The following DHX37 variants were observed in gnomAD, a reference collection of about 807,000 sequenced individuals.
DHX37 encodes DEAH-box helicase 37, also known as probable ATP-dependent RNA helicase DHX37.
Under a neutral mutation model 134.3 loss-of-function variants are expected in DHX37, and 52 were observed. That is an observed-to-expected ratio of 0.39 (90% CI 0.31 to 0.49). DHX37 has a LOEUF of 0.49. Ranked by LOEUF, DHX37 falls within the 20% of genes least tolerant of loss-of-function variation. DHX37 has a pLI of 0.93. For missense variants in DHX37, 1,344 were observed against 1,580.8 expected (o/e 0.85, Z 2.54); for synonymous variants, 634 against 670.7 (o/e 0.95, Z 0.85).
chr12:124,947,982 A>C, intron 26 of DHX37, 95 bp from the exon 27 acceptor site: 1 of 1,612,894 alleles, frequency 6.2e-7, no homozygotes, highest in South Asian at 1.1e-5. Context: ...GTGGGGCCAG[A>C]TCCTTCTGCC....
Position 124,968,924 on chromosome 12 carries a change from C to T in DHX37, c.1236G>A (p.Arg412=). 6.2e-7 allele frequency: 1 copy of T among 1,614,142 alleles called. No homozygotes were observed. The highest frequency in any genetic ancestry group is 1.1e-5 in the South Asian group (1 of 91,082). The change falls in exon 9 of 27, where the codon CGG becomes CGA. Residue 412 remains arginine (R), a synonymous_variant. Coordinates refer to ENST00000308736, the MANE Select transcript of DHX37 (RefSeq NM_032656.4). Reference sequence around the variant, plus strand: ...GTGGGTTCTGGGTGAAGTCCTCCACCCGCAGCGTGGCCGACATGATGAGCA... The same window carrying T: ...GTGGGTTCTGGGTGAAGTCCTCCACTCGCAGCGTGGCCGACATGATGAGCA... The part of the protein sequence containing the change: ...LKLLIMSATL[R]VEDFTQNPRL...
chr12:124,948,270 C>G, intron 25 of DHX37, 89 bp from the exon 26 acceptor site: 3 of 1,499,956 alleles, frequency 2.0e-6, no homozygotes, highest in Non-Finnish European at 2.7e-6. Context: ...GGCATCACCA[C>G]CCCACCAGCC....
At position 124,980,677 on chromosome 12, in the gene DHX37, G is replaced by A. The variant is rs1360241422; in HGVS notation, c.551C>T (p.Ala184Val). ...EEESELDEDPAAEPAEAGVGT... is the reference protein window; with the variant it reads ...EEESELDEDPVAEPAEAGVGT... Reference sequence around the variant, plus strand: ...CACACCAGCCTCAGCCGGCTCAGCAGCTGGGTCCTCGTCCAGCTCCGACTC... The same window carrying A: ...CACACCAGCCTCAGCCGGCTCAGCAACTGGGTCCTCGTCCAGCTCCGACTC... The change falls in exon 4 of 27, where the codon GCT (alanine) becomes GTT (valine). Residue 184 changes from alanine to valine, a missense_variant. Ala to Val is a moderately conservative substitution (Grantham distance 64). Coordinates refer to ENST00000308736, the MANE Select transcript of DHX37 (RefSeq NM_032656.4). The surrounding 1 kb of genome is among the most constrained non-coding windows in gnomAD (Gnocchi z 5.3). The A allele has an allele frequency of 1.3e-6, 2 of 1,594,212 alleles. No homozygotes were observed. Among genetic ancestry groups the A allele is most frequent in the Admixed American group, 3.4e-5 (2 of 58,108 alleles).
At chr12:124,976,481 G>A (rs2135961545) in intron 5 of DHX37, among the ~76,000 whole-genome samples, 1 of 152,312 alleles carries the variant, frequency 6.6e-6, no homozygotes, top group Non-Finnish European at 1.5e-5. Context: ...GGAGGTCGAG[G>A]TGGGTGGATC....
intron 2 of DHX37, among the ~76,000 whole-genome samples, chr12:124,984,968 A>G (rs1257449555): frequency 1.3e-5 from 2 of 152,274 alleles, no homozygotes; most frequent in Middle Eastern, 6.8e-3. Flanking sequence ...GCGCCCTTCG[A>G]AGAGACACAC....
At position 124,946,865 on chromosome 12, in the gene DHX37, G is replaced by A. The variant is rs1021411565; in HGVS notation, c.*937C>T. ...ATTTTATTCCATAACTGTCTCCACCGAAGCCGCAGAAGCAAAGCCAGGAGC... is the reference window on the plus strand; with the variant it reads ...ATTTTATTCCATAACTGTCTCCACCAAAGCCGCAGAAGCAAAGCCAGGAGC... On this transcript the variant is annotated 3_prime_UTR_variant, in exon 27 of 27. Transcript: ENST00000308736. The A allele has an allele frequency of 3.3e-5, 5 of 152,238 alleles. No individual in the cohort carries two copies. Among genetic ancestry groups the A allele is most frequent in the African/African-American group, 9.6e-5 (4 of 41,452 alleles). The allele number at this position is 152,238 out of a possible 1,614,324, so 9.4% of individuals were successfully genotyped here.
rs1016816869 is a variant in DHX37 at position 124,947,500 on chromosome 12, T to A, written c.*302A>T. 5 of 294,494 alleles carry A rather than the reference T, an allele frequency of 1.7e-5. No homozygotes were observed. Among genetic ancestry groups the A allele is most frequent in the Non-Finnish European group, 1.9e-5 (3 of 159,684 alleles). The allele number at this position is 294,494 out of a possible 1,614,324, so 18.2% of individuals were successfully genotyped here. ...CTGCAGAGATCTCCAGCCCTGCTGC[T>A]CCACAGGGGACTAATGTAGTCCAAA... is the stretch of plus-strand genomic sequence containing the variant. On this transcript the variant is annotated 3_prime_UTR_variant, in exon 27 of 27. Transcript: ENST00000308736.
In DHX37 at chr12:124,954,127, C is replaced by T. The variant is rs774767034; in HGVS notation, c.2538G>A (p.Gln846=). 12 of 1,612,304 alleles carry T rather than the reference C, an allele frequency of 7.4e-6. No individual in the cohort carries two copies. Among genetic ancestry groups the T allele is most frequent in the Admixed American group, 1.7e-5 (1 of 59,742 alleles). Residue 846 remains glutamine, a synonymous_variant, in exon 19 of 27, where the codon CAG becomes CAA. Transcript: ENST00000308736. ...VAQMKRTWAG[Q]GASLKLGDLM... is the part of the protein sequence containing the mutation. ...GGTCGCCGAGCTTCAGAGAAGCCCC[C>T]TGCCCTGCCCAGGTCCTCTTCATCT...
Position 124,950,446 on chromosome 12 carries a change from C to G in DHX37, c.3088G>C (p.Gly1030Arg), listed in dbSNP as rs759506422. The change falls in exon 23 of 27, where the codon GGG (glycine) becomes CGG (arginine). Residue 1030 changes from glycine (G) to arginine (R), a missense_variant. Physicochemically the swap from Gly to Arg is moderately radical, Grantham distance 125. Around this residue, in one of 7 missense-constraint regions of DHX37, gnomAD observed 558 missense variants for 650.0 expected, o/e 0.86. Coordinates refer to ENST00000308736, the MANE Select transcript of DHX37 (RefSeq NM_032656.4). ...CTGGCCCGGTGACACAGCACCCGCC[C>G]CCGCTCGGGGCAGTATGTAGGGGCT... ...EPAPTYCPER[G>R]RVLCHRASVF... 4 of 1,592,780 alleles carry G rather than the reference C, an allele frequency of 2.5e-6. No homozygotes were observed. In the East Asian group the frequency reaches 9.0e-5, roughly 36 times the overall value.
At chr12:124,959,853 G>A (rs557732251) in intron 16 of DHX37, among the ~76,000 whole-genome samples, 3 of 152,278 alleles carry the variant, frequency 2.0e-5, no homozygotes, top group East Asian at 1.9e-4. Context: ...CCCTGCCTCC[G>A]TTTCCTCATC....
intron 21 of DHX37, among the ~76,000 whole-genome samples, 182 bp downstream of exon 21, chr12:124,952,214 TAA>T (rs1297545769): frequency 1.3e-5 from 2 of 149,570 alleles, no homozygotes; most frequent in Admixed American, 1.3e-4. Flanking sequence ...AAACTGTTAT[TAA>T]AAAAAAAAAG....
rs372537480 is a variant in DHX37, at chr12:124,980,348, A to G, written c.738+142T>C. ...CCAATCCCTGCCACAGCCTCAAGGG[A>G]GGCGCAGTCACTCTCCCCTTTCCCA... On this transcript the variant is annotated intron_variant, in intron 4 of 26. Coordinates refer to ENST00000308736, the MANE Select transcript of DHX37 (RefSeq NM_032656.4). The surrounding 1 kb of genome is among the most constrained non-coding windows in gnomAD (Gnocchi z 5.3). The G allele has an allele frequency of 1.7e-5, 16 of 960,436 alleles. No individual in the cohort carries two copies. Among genetic ancestry groups the G allele is most frequent in the Admixed American group, 1.6e-4 (5 of 32,158 alleles). 59.5% of individuals were successfully genotyped at this position (960,436 alleles called of 1,614,324 possible).
At chr12:124,950,345 G>A in intron 23 of DHX37, 68 bp downstream of exon 23, 10 of 1,597,418 alleles carry the variant, frequency 6.3e-6, no homozygotes, top group Non-Finnish European at 8.5e-6. Context: ...GCAGGGGACA[G>A]GACCGTGTGT....
chr12:124,975,219 C>T (rs1013892923), intron 6 of DHX37, among the ~76,000 whole-genome samples, 200 bp downstream of exon 6: 7 of 152,156 alleles, frequency 4.6e-5, no homozygotes, highest in East Asian at 1.9e-4. Context: ...CTGTGCAGGA[C>T]GTAAGCTTGC....
intron 6 of DHX37, among the ~76,000 whole-genome samples, chr12:124,973,236 G>A (rs915366452): frequency 3.3e-5 from 5 of 152,072 alleles, no homozygotes; most frequent in African/African-American, 1.2e-4. Flanking sequence ...TGGCCAACAT[G>A]GTGAAACCCC....
intron 11 of DHX37, 109 bp downstream of exon 11, chr12:124,967,014 C>A: frequency 1.3e-6 from 2 of 1,530,302 alleles, no homozygotes; most frequent in Non-Finnish European, 1.8e-6. Context: ...GGCAAAGGTG[C>A]TGATGCTTCC....
Position 124,950,559 on chromosome 12 carries a change from C to CG in DHX37, c.2984-10dup, listed in dbSNP as rs760331969. On this transcript the variant is annotated splice_polypyrimidine_tract_variant and intron_variant, in intron 22 of 26. Transcript: ENST00000308736. ...CTCCACGCTAGAGACGCCTGGGGGC[C>CG]GGGGGAGGAAGCTGGGGTTACAGCG... The CG allele has an allele frequency of 5.8e-6, 9 of 1,545,568 alleles. No homozygotes were observed. The South Asian group carries it at 7.5e-5, about 13-fold the overall frequency.
intron 18 of DHX37, among the ~76,000 whole-genome samples, chr12:124,955,868 G>A (rs1170104572): frequency 1.4e-5 from 2 of 147,228 alleles, no homozygotes; most frequent in African/African-American, 4.9e-5. Context: ...GCTGCGGTAT[G>A]GAATGGCCCA....
chr12:124,986,729 C>CAA (rs1954881011), intron 1 of DHX37, among the ~76,000 whole-genome samples: 2 of 151,330 alleles, frequency 1.3e-5, no homozygotes, highest in South Asian at 4.2e-4. Context: ...GAAAACCCCC[C>CAA]AAAAAATACT....
Sources: gnomAD v4.1 joint callset for allele counts (sites outside exome capture counted in the v4.1 genomes callset) on GRCh38, gnomAD v4.1.1 for gene constraint, gnomAD v4.1.1 regional missense constraint, Gnocchi (gnomAD v3.1) non-coding constraint, MANE v1.5 for transcripts, NCBI Gene and HGNC (gene_info 2026-07-23, HGNC 2026-07-21) for gene names.